The following LHFPL6 variants were observed in gnomAD, a reference collection of about 807,000 sequenced individuals.
The protein encoded by LHFPL6 is LHFPL tetraspan subfamily member 6.
In LHFPL6, 9 loss-of-function variants were observed where a neutral mutation model predicts 20.6. That is an observed-to-expected ratio of 0.44 (90% CI 0.26 to 0.76). The LOEUF (loss-of-function observed/expected upper bound fraction) is 0.76. Among genes scored for constraint, LHFPL6 ranks in the 30% least tolerant of loss-of-function variants. The pLI, the probability that LHFPL6 is intolerant of heterozygous loss-of-function variation, is 0.20. For missense variants in LHFPL6, 218 were observed against 253.5 expected, an observed-to-expected ratio of 0.86 and a Z score of 0.95; for synonymous variants, 105 against 98.7, an observed-to-expected ratio of 1.06 and a Z score of -0.38.
intron 2 of LHFPL6, among the ~76,000 whole-genome samples, chr13:39,415,431 T>A (rs1871323727): frequency 6.6e-6 from 1 of 151,732 alleles, no homozygotes; most frequent in Non-Finnish European, 1.5e-5. Flanking sequence ...GTGGAAGAAC[T>A]CAGGTCTGTG....
chr13:39,594,182 C>A (rs1406782616), intron 2 of LHFPL6, among the ~76,000 whole-genome samples: 2 of 152,286 alleles, frequency 1.3e-5, no homozygotes, highest in East Asian at 1.9e-4. Flanking sequence ...AACAGGCAAT[C>A]TACAAAATGG....
chr13:39,442,056 T>G (rs1001003880), intron 2 of LHFPL6, among the ~76,000 whole-genome samples: 1 of 151,982 alleles, frequency 6.6e-6, no homozygotes, highest in Non-Finnish European at 1.5e-5. Flanking sequence ...CTCAAACTCC[T>G]GACCTCAAGT....
chr13:39,580,669 G>A lies in LHFPL6; in HGVS notation c.385+20163C>T, dbSNP rs539233288. 1.2e-4 allele frequency among the ~76,000 whole-genome samples: 19 copies of A among 152,260 alleles called. No individual in the cohort carries two copies. In the South Asian group the frequency reaches 2.9e-3, roughly 23 times the overall value. On this transcript the variant is annotated intron_variant, in intron 2 of 3. Coordinates refer to ENST00000379589, the MANE Select transcript of LHFPL6 (RefSeq NM_005780.3). ...TATGTAACCAACTGTTGGTAATAGC[G>A]ACCATTTATTGGGAATCTACTTTAT... is the stretch of plus-strand genomic sequence containing the variant.
intron 2 of LHFPL6, among the ~76,000 whole-genome samples, chr13:39,560,310 T>C (rs1445381328): frequency 6.6e-6 from 1 of 152,078 alleles, no homozygotes; most frequent in African/African-American, 2.4e-5. Context: ...AAAACTAAGA[T>C]TCAGAAAGTT....
At chr13:39,537,730 A>G (rs1870663669) in intron 2 of LHFPL6, among the ~76,000 whole-genome samples, 2 of 152,268 alleles carry the variant, frequency 1.3e-5, no homozygotes, top group South Asian at 4.1e-4. Context: ...CAACAATCAC[A>G]GAACCCAAAC....
intron 2 of LHFPL6, among the ~76,000 whole-genome samples, chr13:39,384,898 G>T (rs899488686): frequency 1.3e-5 from 2 of 152,146 alleles, no homozygotes; most frequent in African/African-American, 2.4e-5. Flanking sequence ...TTGTGCATAC[G>T]AGTGGAAGTG....
intron 2 of LHFPL6, among the ~76,000 whole-genome samples, chr13:39,393,632 A>G (rs1231985603): frequency 6.6e-6 from 1 of 152,230 alleles, no homozygotes; most frequent in Non-Finnish European, 1.5e-5. Flanking sequence ...GCAGAAGGTC[A>G]TTAATTCTGG....
chr13:39,408,823 G>T (rs9576792), intron 2 of LHFPL6, among the ~76,000 whole-genome samples: 41,739 of 152,012 alleles, frequency 0.27, 6,068 homozygotes, highest in East Asian at 0.4. Flanking sequence ...AACAAAATTT[G>T]TAATAGTAAT....
intron 2 of LHFPL6, among the ~76,000 whole-genome samples, chr13:39,540,105 A>G (rs1025359266): frequency 2.6e-5 from 4 of 152,180 alleles, no homozygotes; most frequent in African/African-American, 4.8e-5. Context: ...TAGCCTATAA[A>G]TTCTTTGGAA....
intron 2 of LHFPL6, among the ~76,000 whole-genome samples, chr13:39,554,747 A>G (rs1225071110): frequency 6.6e-6 from 1 of 152,172 alleles, no homozygotes; most frequent in Non-Finnish European, 1.5e-5. Flanking sequence ...AGCCATTCAC[A>G]TCCCCATCTA....
intron 2 of LHFPL6, among the ~76,000 whole-genome samples, chr13:39,563,366 C>A (rs1056595583): frequency 2.8e-4 from 42 of 152,142 alleles, no homozygotes; most frequent in African/African-American, 8.9e-4. Flanking sequence ...GTCACTAAAT[C>A]TGCAGATGAC....
chr13:39,562,625 CACACAT>C (rs369977767), intron 2 of LHFPL6, among the ~76,000 whole-genome samples: 1 of 92,862 alleles, frequency 1.1e-5, no homozygotes. Context: ...CACATATATA[CACACAT>C]ATATATACAC....
intron 2 of LHFPL6, among the ~76,000 whole-genome samples, chr13:39,533,181 G>T (rs924400195): frequency 5.3e-5 from 8 of 152,274 alleles, no homozygotes; most frequent in African/African-American, 1.9e-4. Context: ...AAAACATGTG[G>T]GTGGCCCAAG....
chr13:39,391,013 A>G (rs772495389), intron 2 of LHFPL6, among the ~76,000 whole-genome samples: 4 of 152,184 alleles, frequency 2.6e-5, no homozygotes, highest in Non-Finnish European at 5.9e-5. Flanking sequence ...AAATAAATAA[A>G]TAAATAAAAT....
intron 2 of LHFPL6, among the ~76,000 whole-genome samples, chr13:39,529,349 C>A (rs1870390234): frequency 1.3e-5 from 2 of 152,154 alleles, no homozygotes; most frequent in East Asian, 1.9e-4. Flanking sequence ...ACCTTGGCCT[C>A]CCAAAGTGCT....
At chr13:39,580,630 AT>A (rs1351967535) in intron 2 of LHFPL6, among the ~76,000 whole-genome samples, 1 of 152,160 alleles carries the variant, frequency 6.6e-6, no homozygotes, top group Non-Finnish European at 1.5e-5. Flanking sequence ...ACAGAGCAGG[AT>A]TCAATAAATA....
chr13:39,587,872 G>C (rs1258541937), intron 2 of LHFPL6, among the ~76,000 whole-genome samples: 4 of 152,150 alleles, frequency 2.6e-5, no homozygotes, highest in African/African-American at 9.6e-5. Flanking sequence ...TGAGAGCTGG[G>C]ATCATGAAGG....
chr13:39,533,619 T>C (rs1870531739), intron 2 of LHFPL6, among the ~76,000 whole-genome samples: 1 of 152,136 alleles, frequency 6.6e-6, no homozygotes, highest in African/African-American at 2.4e-5. Flanking sequence ...CTGGCAAACA[T>C]ATAACCAAGT....
intron 2 of LHFPL6, among the ~76,000 whole-genome samples, chr13:39,435,062 C>CAAA (rs55701240): frequency 0.022 from 1,178 of 52,602 alleles, 90 homozygotes; most frequent in African/African-American, 0.035. Flanking sequence ...GACTCCGTCT[C>CAAA]AAAAAAAAAA....
Sources: gnomAD v4.1 joint callset for allele counts (sites outside exome capture counted in the v4.1 genomes callset) on GRCh38, gnomAD v4.1.1 for gene constraint, MANE v1.5 for transcripts, NCBI Gene and HGNC (gene_info 2026-07-23, HGNC 2026-07-21) for gene names.